Variants in RNF220 observed in about 807,000 individuals in gnomAD.
RNF220 encodes E3 ubiquitin-protein ligase RNF220.
In RNF220, 7 loss-of-function variants were observed where a neutral mutation model predicts 67.1. The observed-to-expected ratio is 0.10, with a 90% confidence interval of 0.06 to 0.20. The LOEUF is 0.20. Ranked by LOEUF, RNF220 falls within the 10% of genes least tolerant of loss-of-function variation. The pLI, the probability that RNF220 is intolerant of heterozygous loss-of-function variation, is 1.00. For missense variants in RNF220, 565 were observed against 740.3 expected (o/e 0.76, Z 2.75); for synonymous variants, 270 against 283.2 (o/e 0.95, Z 0.47).
intron 2 of RNF220, among the ~76,000 whole-genome samples, chr1:44,441,022 G>T (rs1282081868): frequency 6.6e-6 from 1 of 152,158 alleles, no homozygotes; most frequent in African/African-American, 2.4e-5. Flanking sequence ...AGCCTGTCAA[G>T]GGGGACCCCT....
At chr1:44,535,385 CA>C (rs2148203798) in intron 2 of RNF220, among the ~76,000 whole-genome samples, 1 of 152,136 alleles carries the variant, frequency 6.6e-6, no homozygotes, top group South Asian at 2.1e-4. Context: ...GTGATCCGCC[CA>C]CCTTGGCCTC....
intron 2 of RNF220, among the ~76,000 whole-genome samples, chr1:44,590,420 C>T (rs1443322826): frequency 6.6e-6 from 1 of 152,218 alleles, no homozygotes; most frequent in Non-Finnish European, 1.5e-5. Flanking sequence ...ACGGGGCTTC[C>T]TCTCAGTGGT....
chr1:44,460,521 G>A (rs968028840), intron 2 of RNF220, among the ~76,000 whole-genome samples: 2 of 152,336 alleles, frequency 1.3e-5, no homozygotes, highest in Non-Finnish European at 1.5e-5. Context: ...CTGATTCTGC[G>A]AAGGGTAGGA....
At chr1:44,553,391 TGAA>T (rs1443445508) in intron 2 of RNF220, among the ~76,000 whole-genome samples, 1 of 151,840 alleles carries the variant, frequency 6.6e-6, no homozygotes, top group African/African-American at 2.4e-5. Flanking sequence ...AATGAATGAA[TGAA>T]TGAATGAATG....
chr1:44,541,929 A>C (rs1056526775), intron 2 of RNF220, among the ~76,000 whole-genome samples: 1 of 152,230 alleles, frequency 6.6e-6, no homozygotes, highest in African/African-American at 2.4e-5. Context: ...TTTTAACTTC[A>C]GAATGCCCCC....
intron 2 of RNF220, among the ~76,000 whole-genome samples, chr1:44,587,145 C>CTTTT (rs60300155): frequency 4.0e-5 from 5 of 124,126 alleles, no homozygotes; most frequent in Non-Finnish European, 8.2e-5. Flanking sequence ...CTTCTTCTTC[C>CTTTT]TTTTTTTTTT....
intron 1 of RNF220, among the ~76,000 whole-genome samples, chr1:44,410,928 GA>G (rs2147801059): frequency 1.3e-5 from 2 of 152,286 alleles, no homozygotes; most frequent in Admixed American, 1.3e-4. Flanking sequence ...CACTGACTAT[GA>G]AAATGTACAA....
intron 5 of RNF220, among the ~76,000 whole-genome samples, chr1:44,627,538 T>A (rs1446391734): frequency 6.6e-6 from 1 of 152,038 alleles, no homozygotes; most frequent in African/African-American, 2.4e-5. Context: ...GCATCTTAGC[T>A]ATAAACGGAC....
chr1:44,618,241 G>T (rs980900769), intron 3 of RNF220, among the ~76,000 whole-genome samples: 6 of 152,192 alleles, frequency 3.9e-5, no homozygotes, highest in African/African-American at 1.4e-4. Flanking sequence ...CAGAGCCAGG[G>T]CTGGCTGTGT....
chr1:44,451,138 G>C (rs1046762775), intron 2 of RNF220, among the ~76,000 whole-genome samples: 2 of 151,692 alleles, frequency 1.3e-5, no homozygotes, highest in Non-Finnish European at 2.9e-5. Flanking sequence ...AGCCAAGATC[G>C]GGCCACTGCA....
intron 2 of RNF220, among the ~76,000 whole-genome samples, chr1:44,466,856 T>A (rs1038576826): frequency 6.6e-6 from 1 of 152,228 alleles, no homozygotes; most frequent in Non-Finnish European, 1.5e-5. Flanking sequence ...TTTAGCATAA[T>A]TTTTAAGGGC....
At chr1:44,491,286 AT>A (rs1394671152) in intron 2 of RNF220, among the ~76,000 whole-genome samples, 3 of 152,164 alleles carry the variant, frequency 2.0e-5, no homozygotes, top group Non-Finnish European at 4.4e-5. Flanking sequence ...TCACAAAAAA[AT>A]AAAACTTTAG....
intron 2 of RNF220, among the ~76,000 whole-genome samples, chr1:44,531,701 C>G: frequency 6.6e-6 from 1 of 152,180 alleles, no homozygotes. Context: ...ACTTTGGGGT[C>G]AGAAGAGCCC....
chr1:44,513,768 A>G (rs1203718508), intron 2 of RNF220, among the ~76,000 whole-genome samples: 2 of 152,108 alleles, frequency 1.3e-5, no homozygotes, highest in East Asian at 3.9e-4. Context: ...GGCATGTTTC[A>G]TGGGTCATCC....
intron 2 of RNF220, among the ~76,000 whole-genome samples, chr1:44,428,340 G>A (rs1650009291): frequency 6.6e-6 from 1 of 152,216 alleles, no homozygotes; most frequent in South Asian, 2.1e-4. Context: ...GAGAGGATGA[G>A]GAGGTGACAG....
intron 6 of RNF220, among the ~76,000 whole-genome samples, chr1:44,633,682 G>A (rs1311643836): frequency 2.6e-5 from 4 of 152,216 alleles, no homozygotes; most frequent in African/African-American, 9.7e-5. Flanking sequence ...CGTTTCCTTA[G>A]TCATTGAACA....
chr1:44,574,610 T>C (rs1664676701), intron 2 of RNF220, among the ~76,000 whole-genome samples: 1 of 152,170 alleles, frequency 6.6e-6, no homozygotes, highest in Non-Finnish European at 1.5e-5. Context: ...TTTGTGAGGG[T>C]AAAGGAGTAA....
intron 2 of RNF220, among the ~76,000 whole-genome samples, chr1:44,475,525 G>A (rs1051267476): frequency 2.1e-4 from 30 of 140,032 alleles, no homozygotes; most frequent in African/African-American, 7.7e-4. Flanking sequence ...AGCCGAGATC[G>A]AGCCACTGCA....
chr1:44,522,174 C>T (rs1046770241), intron 2 of RNF220, among the ~76,000 whole-genome samples: 2 of 152,110 alleles, frequency 1.3e-5, no homozygotes, highest in Non-Finnish European at 2.9e-5. Context: ...AAAACATTTC[C>T]ATGTGGGAAG....
Sources: gnomAD v4.1 joint callset for allele counts (sites outside exome capture counted in the v4.1 genomes callset) on GRCh38, gnomAD v4.1.1 for gene constraint, MANE v1.5 for transcripts, NCBI Gene and HGNC (gene_info 2026-07-23, HGNC 2026-07-21) for gene names.